The following CERT1 variants were observed in gnomAD, a reference collection of about 807,000 sequenced individuals.
The protein encoded by CERT1 is ceramide transfer protein.
Under a neutral mutation model 87.9 loss-of-function variants are expected in CERT1, and 31 were observed. The ratio of observed to expected loss-of-function variants is 0.35; its 90% CI spans 0.27 to 0.48. The LOEUF (loss-of-function observed/expected upper bound fraction) is 0.48. Among genes scored for constraint, CERT1 ranks in the 20% least tolerant of loss-of-function variants. CERT1 has a pLI of 0.99. For synonymous variants in CERT1, 289 were observed against 250.9 expected (o/e 1.15, Z -1.44); for missense variants, 487 against 758.0 (o/e 0.64, Z 4.20).
chr5:75,461,934 A>G (rs1765251415), intron 2 of CERT1, among the ~76,000 whole-genome samples: 1 of 152,174 alleles, frequency 6.6e-6, no homozygotes, highest in South Asian at 2.1e-4. Context: ...ACACACACAT[A>G]TGTGCCCCAA....
At chr5:75,429,038 T>C (rs1310167576) in intron 3 of CERT1, among the ~76,000 whole-genome samples, 9 of 151,964 alleles carry the variant, frequency 5.9e-5, no homozygotes, top group Admixed American at 3.9e-4. Flanking sequence ...TAGGATCTTA[T>C]AGTAATCTCT....
chr5:75,400,500 C>A, intron 9 of CERT1: 4 of 504,824 alleles, frequency 7.9e-6, no homozygotes, highest in Non-Finnish European at 1.4e-5. Flanking sequence ...TTCTTTCTGA[C>A]TCCACAGATA....
intron 17 of CERT1, chr5:75,370,532 A>G (rs1173601800): frequency 2.0e-5 from 3 of 152,218 alleles, no homozygotes; most frequent in African/African-American, 7.2e-5. Flanking sequence ...GATGTGATCC[A>G]CAGTAAGAAA....
At chr5:75,445,542 C>T (rs1764501030) in intron 3 of CERT1, among the ~76,000 whole-genome samples, 1 of 152,166 alleles carries the variant, frequency 6.6e-6, no homozygotes, top group South Asian at 2.1e-4. Flanking sequence ...CCAGGCTAAA[C>T]TTAAACTCCT....
chr5:75,409,652 G>A (rs1762848436), intron 8 of CERT1, among the ~76,000 whole-genome samples: 2 of 151,632 alleles, frequency 1.3e-5, no homozygotes, highest in East Asian at 1.9e-4. Flanking sequence ...TCAGCCTCCC[G>A]AGTAGCTGGG....
rs1360746955 is a variant in CERT1, at chr5:75,511,300, G to A, written c.-93C>T. Reference sequence around the variant, plus strand: ...CCTCGGGGTGAAGGGTCGGGGGATGGCGAAGCGAAGAGTGCCCGCTCCGGT... The same window carrying A: ...CCTCGGGGTGAAGGGTCGGGGGATGACGAAGCGAAGAGTGCCCGCTCCGGT... On this transcript the variant is annotated 5_prime_UTR_variant, in exon 1 of 17. Coordinates refer to ENST00000643780, the MANE Select transcript of CERT1 (RefSeq NM_001379029.1). 5 of 1,558,798 alleles carry A rather than the reference G, an allele frequency of 3.2e-6. No individual in the cohort carries two copies. The highest frequency in any genetic ancestry group is 4.3e-6 in the Non-Finnish European group (5 of 1,151,852).
At chr5:75,453,862 T>C (rs1354558962) in intron 3 of CERT1, among the ~76,000 whole-genome samples, 2 of 151,938 alleles carry the variant, frequency 1.3e-5, no homozygotes, top group Non-Finnish European at 2.9e-5. Flanking sequence ...GGAGGGTGCG[T>C]GAATGTGCAT....
chr5:75,484,210 GA>G (rs1362698685), intron 2 of CERT1, among the ~76,000 whole-genome samples: 2 of 149,896 alleles, frequency 1.3e-5, no homozygotes, highest in African/African-American at 4.9e-5. Flanking sequence ...TGGTAACATC[GA>G]ATCTACAACA....
At chr5:75,381,654 G>T (rs1358809519) in intron 15 of CERT1, among the ~76,000 whole-genome samples, 5 of 152,138 alleles carry the variant, frequency 3.3e-5, no homozygotes, top group Non-Finnish European at 5.9e-5. Flanking sequence ...GTTGATAACG[G>T]CTTAAGAGAT....
intron 8 of CERT1, among the ~76,000 whole-genome samples, chr5:75,407,591 T>TCGTAAAAAAGAAACGTGGCAGC (rs1762758430): frequency 6.7e-6 from 1 of 150,368 alleles, no homozygotes; most frequent in African/African-American, 2.5e-5. Context: ...GCCAAGTTAA[T>TCGTAAAAAAGAAACGTGGCAGC]CGTAAAAAAG....
In CERT1 at chr5:75,484,462, TA is replaced by T. The variant is rs879290541; in HGVS notation, c.231+21519del. 7.5e-3 allele frequency among the ~76,000 whole-genome samples: 1,030 copies of T among 137,112 alleles called. 4 individuals are homozygous for T. The highest frequency in any genetic ancestry group is 0.018 in the African/African-American group (687 of 37,686). The allele number at this position is 137,112 out of a possible 152,430, so 90.0% of individuals were successfully genotyped here. On this transcript the variant is annotated intron_variant, in intron 2 of 16. Coordinates refer to ENST00000643780, the MANE Select transcript of CERT1 (RefSeq NM_001379029.1). ...CAAAAGACAGAGTGACTGAATGGAT[TA>T]AAAAAAAAAAAAGCAAGACCCAATG...
At chr5:75,449,632 C>A (rs1764695357) in intron 3 of CERT1, among the ~76,000 whole-genome samples, 1 of 151,956 alleles carries the variant, frequency 6.6e-6, no homozygotes, top group African/African-American at 2.4e-5. Context: ...CAAGTGTGTG[C>A]ACAATTTATA....
At chr5:75,492,879 G>C (rs1247772474) in intron 2 of CERT1, among the ~76,000 whole-genome samples, 4 of 152,172 alleles carry the variant, frequency 2.6e-5, no homozygotes, top group Admixed American at 6.5e-5. Flanking sequence ...TCAAACTTTA[G>C]GACGCATCAG....
chr5:75,403,831 G>GA (rs1244191503), intron 8 of CERT1, among the ~76,000 whole-genome samples: 3 of 152,132 alleles, frequency 2.0e-5, no homozygotes, highest in African/African-American at 7.2e-5. Flanking sequence ...TGGAACCTTG[G>GA]AATATACATG....
chr5:75,467,343 A>G (rs1765498371), intron 2 of CERT1, among the ~76,000 whole-genome samples: 1 of 152,136 alleles, frequency 6.6e-6, no homozygotes, highest in Non-Finnish European at 1.5e-5. Context: ...TTGTAACTAT[A>G]AAGAGGTAGC....
At chr5:75,506,713 GAAT>G (rs1337734943) in intron 1 of CERT1, among the ~76,000 whole-genome samples, 22 of 152,096 alleles carry the variant, frequency 1.4e-4, no homozygotes, top group African/African-American at 5.1e-4. Context: ...CTACAGAACT[GAAT>G]AATATTAAAA....
At chr5:75,414,377 G>A (rs1763054612) in intron 7 of CERT1, among the ~76,000 whole-genome samples, 1 of 152,082 alleles carries the variant, frequency 6.6e-6, no homozygotes, top group Non-Finnish European at 1.5e-5. Flanking sequence ...CTTAAGATTG[G>A]TACACTTCAT....
intron 2 of CERT1, among the ~76,000 whole-genome samples, chr5:75,498,920 G>A (rs534626391): frequency 5.8e-4 from 89 of 152,330 alleles, no homozygotes; most frequent in African/African-American, 2.0e-3. Context: ...GCCTGTGAAA[G>A]CAGCCAGGAG....
intron 14 of CERT1, 141 bp from the exon 15 acceptor site, chr5:75,382,218 T>C (rs960793327): frequency 4.3e-6 from 3 of 703,962 alleles, no homozygotes; most frequent in South Asian, 2.1e-5. Flanking sequence ...TACCAAATGA[T>C]TAATTATGAA....
Sources: gnomAD v4.1 joint callset for allele counts (sites outside exome capture counted in the v4.1 genomes callset) on GRCh38, gnomAD v4.1.1 for gene constraint, MANE v1.5 for transcripts, NCBI Gene and HGNC (gene_info 2026-07-23, HGNC 2026-07-21) for gene names.